The following SMARCE1 variants were observed in gnomAD, a reference collection of about 807,000 sequenced individuals.
The protein encoded by SMARCE1 is SWI/SNF related BAF chromatin remodeling complex subunit E1, also known as SWI/SNF-related matrix-associated actin-dependent regulator of chromatin subfamily E member 1.
SMARCE1 carries 13 observed loss-of-function variants against 54.9 expected under a neutral mutation model. That is an observed-to-expected ratio of 0.24 (90% CI 0.15 to 0.38). The LOEUF (loss-of-function observed/expected upper bound fraction) is 0.38. Ranked by LOEUF, SMARCE1 falls within the 10% of genes least tolerant of loss-of-function variation. The pLI is 1.00. For synonymous variants in SMARCE1, 151 were observed against 175.3 expected (o/e 0.86, Z 1.10); for missense variants, 295 against 523.8 (o/e 0.56, Z 4.26).
At chr17:40,640,537 C>T (rs1281574708) in intron 4 of SMARCE1, 1 of 152,104 alleles carries the variant, frequency 6.6e-6, no homozygotes, top group Non-Finnish European at 1.5e-5. Flanking sequence ...AGGAGCTTCC[C>T]CTCACCCCCA....
chr17:40,643,359 T>C (rs568145554), intron 3 of SMARCE1: 14 of 152,360 alleles, frequency 9.2e-5, no homozygotes, highest in Admixed American at 7.8e-4. Flanking sequence ...TTCTAGTTTA[T>C]AGACTTCTTT....
chr17:40,630,957 T>G, intron 9 of SMARCE1, 33 bp from the exon 10 acceptor site: 2 of 1,565,944 alleles, frequency 1.3e-6, no homozygotes, highest in Non-Finnish European at 1.7e-6. Context: ...CCGTAATGTT[T>G]TTTCCTTATA....
intron 4 of SMARCE1, chr17:40,640,915 T>C (rs914248053): frequency 2.0e-5 from 3 of 152,186 alleles, no homozygotes; most frequent in African/African-American, 7.2e-5. Flanking sequence ...CACTTTCTCT[T>C]CCTAGTCTCC....
In SMARCE1 at chr17:40,642,103, ACTAATGC is replaced by A. The variant is rs2037205167; in HGVS notation, c.156+345_156+351del. On this transcript the variant is annotated intron_variant, in intron 4 of 10. Transcript: ENST00000348513. This position sits in a 1 kb window ranked among gnomAD's most constrained non-coding sequence, Gnocchi z 4.6. ...CTCTACTAGAAACTCAATCCTTGAG[ACTAATGC>A]CAATCACCTTATAAAAATGAAAAAT... 7.9e-6 allele frequency: 3 copies of A among 380,238 alleles called. No individual in the cohort carries two copies. The highest frequency in any genetic ancestry group is 1.4e-5 in the Non-Finnish European group (3 of 215,040). The allele number at this position is 380,238 out of a possible 1,614,324, so 23.6% of individuals were successfully genotyped here.
chr17:40,645,668 A>T, intron 2 of SMARCE1, 49 bp from the exon 3 acceptor site: 1 of 1,352,582 alleles, frequency 7.4e-7, no homozygotes. Flanking sequence ...GAGATATAAT[A>T]CTATGCAACA....
rs2144009410 is a variant in SMARCE1, at chr17:40,642,641, T to A, written c.52-82A>T. The A allele has an allele frequency of 1.2e-6, 1 of 848,194 alleles. No homozygotes were observed. The highest frequency in any genetic ancestry group is 2.5e-5 in the East Asian group (1 of 39,954). The allele number at this position is 848,194 out of a possible 1,614,324, so 52.5% of individuals were successfully genotyped here. A position where few individuals can be genotyped will look rare whatever the true frequency, so the allele number is the denominator to read the frequency against. ...ACACAGAAATGAAAAATGATCTGCATATGGCATGCAAAAGCAACCTGAATT... is the reference window on the plus strand; with the variant it reads ...ACACAGAAATGAAAAATGATCTGCAAATGGCATGCAAAAGCAACCTGAATT... On this transcript the variant is annotated intron_variant, in intron 3 of 10. Transcript: ENST00000348513. The surrounding 1 kb of genome is among the most constrained non-coding windows in gnomAD (Gnocchi z 4.6).
At chr17:40,638,315 A>G (rs2037164713) in intron 4 of SMARCE1, among the ~76,000 whole-genome samples, 1 of 152,202 alleles carries the variant, frequency 6.6e-6, no homozygotes, top group Admixed American at 6.5e-5. Context: ...TCTTATATCA[A>G]GAAGCTCCAT....
chr17:40,646,645 C>T (rs2037260026), intron 1 of SMARCE1, among the ~76,000 whole-genome samples: 1 of 152,136 alleles, frequency 6.6e-6, no homozygotes, highest in Non-Finnish European at 1.5e-5. Context: ...CTAGTATTAC[C>T]AGCTCACAAC....
At chr17:40,629,701 A>G (rs1022631652) in intron 10 of SMARCE1, 1 of 401,150 alleles carries the variant, frequency 2.5e-6, no homozygotes, top group African/African-American at 2.1e-5. Flanking sequence ...CCCCATTCAT[A>G]GATGCCAAAA....
At chr17:40,632,164 T>C in intron 8 of SMARCE1, 31 bp downstream of exon 8, 3 of 1,563,940 alleles carry the variant, frequency 1.9e-6, no homozygotes, top group Non-Finnish European at 2.6e-6. Context: ...TATAGGCACA[T>C]CTTATTGAAA....
Position 40,645,823 on chromosome 17 carries a change from G to T in SMARCE1, c.-21C>A. The T allele has an allele frequency of 3.7e-6, 4 of 1,074,910 alleles. No homozygotes were observed. The highest frequency in any genetic ancestry group is 5.1e-6 in the Non-Finnish European group (4 of 790,560). The allele number at this position is 1,074,910 out of a possible 1,614,324, so 66.6% of individuals were successfully genotyped here. On this transcript the variant is annotated 5_prime_UTR_variant, in exon 2 of 11. The change creates a new upstream start codon in the 5' untranslated region. Transcript: ENST00000348513. ...GACATTTTGGAAGATTAAGTTCTCA[G>T]TTCCTTAAGAATGAATCTGAGACAC...
At chr17:40,629,466 G>T in intron 10 of SMARCE1, 1 of 1,045,192 alleles carries the variant, frequency 9.6e-7, no homozygotes, top group Non-Finnish European at 1.2e-6. Context: ...GTGAATGAGA[G>T]TTAGTCTGTA....
intron 9 of SMARCE1, chr17:40,631,190 T>C: frequency 5.1e-6 from 2 of 390,662 alleles, no homozygotes; most frequent in Non-Finnish European, 9.0e-6. Context: ...AGTTCTGGGG[T>C]ATACATAAGG....
At chr17:40,635,557 C>A in intron 7 of SMARCE1, 1 of 159,192 alleles carries the variant, frequency 6.3e-6, no homozygotes, top group Non-Finnish European at 1.4e-5. Flanking sequence ...TAGCTTCTCC[C>A]TTAAGAGCCT....
chr17:40,630,066 C>A, intron 10 of SMARCE1: 1 of 500,814 alleles, frequency 2.0e-6, no homozygotes, highest in Non-Finnish European at 3.6e-6. Flanking sequence ...CTACTTTTAG[C>A]TTAGTCCTGT....
intron 8 of SMARCE1, 39 bp downstream of exon 8, chr17:40,632,156 T>C (rs1323380520): frequency 2.7e-6 from 4 of 1,503,986 alleles, no homozygotes; most frequent in Middle Eastern, 2.4e-4. Flanking sequence ...ATTTGTGGTA[T>C]AGGCACATCT....
chr17:40,630,144 C>T lies in SMARCE1; in HGVS notation c.1027+570G>A, dbSNP rs184721167. The T allele has an allele frequency of 1.2e-4, 104 of 833,204 alleles. No individual in the cohort carries two copies. The African/African-American group carries it at 1.5e-3, about 12-fold the overall frequency. The allele number at this position is 833,204 out of a possible 1,614,324, so 51.6% of individuals were successfully genotyped here. A position where few individuals can be genotyped will look rare whatever the true frequency, so the allele number is the denominator to read the frequency against. On this transcript the variant is annotated intron_variant, in intron 10 of 10. Transcript: ENST00000348513. ...AAGGTGATCTCAAAATTACAAGTGACGATCAATGTAATCAGTACTTTATGT... is the reference window on the plus strand; with the variant it reads ...AAGGTGATCTCAAAATTACAAGTGATGATCAATGTAATCAGTACTTTATGT...
At chr17:40,632,503 C>G (rs1007678688) in intron 7 of SMARCE1, 136 bp from the exon 8 acceptor site, 35 of 663,590 alleles carry the variant, frequency 5.3e-5, no homozygotes, top group Non-Finnish European at 7.9e-5. Context: ...GTCATGGGAG[C>G]ACTGGGGCAG....
intron 7 of SMARCE1, chr17:40,635,479 A>G (rs1003590852): frequency 6.5e-6 from 1 of 153,264 alleles, no homozygotes; most frequent in Non-Finnish European, 1.5e-5. Flanking sequence ...AGCATGAGCT[A>G]TATTTATACA....
Sources: allele counts gnomAD v4.1 joint callset (sites outside exome capture counted in the v4.1 genomes callset), GRCh38; gene constraint gnomAD v4.1.1; non-coding constraint Gnocchi (gnomAD v3.1); transcripts MANE v1.5; gene names NCBI Gene and HGNC (gene_info 2026-07-23, HGNC 2026-07-21).